The following HHAT variants were observed in gnomAD, a reference collection of about 807,000 sequenced individuals.
HHAT encodes protein-cysteine N-palmitoyltransferase HHAT.
HHAT carries 47 observed loss-of-function variants against 70.8 expected under a neutral mutation model. That is an observed-to-expected ratio of 0.66 (90% confidence interval 0.53 to 0.85). The LOEUF (loss-of-function observed/expected upper bound fraction) is 0.85. Among genes scored for constraint, HHAT ranks in the 40% least tolerant of loss-of-function variants. The pLI, the probability that HHAT is intolerant of heterozygous loss-of-function variation, is 0.00. For missense variants in HHAT, 609 were observed against 604.8 expected (o/e 1.01, Z -0.07); for synonymous variants, 228 against 247.6 (o/e 0.92, Z 0.74).
Position 210,374,763 on chromosome 1 carries a change from CTTT to C in HHAT, c.159+11859_159+11861del, listed in dbSNP as rs34145775. Among the ~76,000 whole-genome samples, 152 of 140,418 alleles carry C rather than the reference CTTT, an allele frequency of 1.1e-3. 2 individuals carry two copies. The East Asian group carries it at 0.015, about 14-fold the overall frequency. The allele number at this position is 140,418 out of a possible 152,430, so 92.1% of individuals were successfully genotyped here. On this transcript the variant is annotated intron_variant, in intron 3 of 11. Coordinates refer to ENST00000261458, the MANE Select transcript of HHAT (RefSeq NM_018194.6). Reference sequence around the variant, plus strand: ...CTACCGAGCTTCCCCAGTGGGGAATCTTTTTTTTTTTTTTTTTAATCCCTTACT... The same window carrying C: ...CTACCGAGCTTCCCCAGTGGGGAATCTTTTTTTTTTTTTTAATCCCTTACT...
At chr1:210,392,371 T>G (rs2091513913) in intron 4 of HHAT, among the ~76,000 whole-genome samples, 1 of 152,156 alleles carries the variant, frequency 6.6e-6, no homozygotes, top group Non-Finnish European at 1.5e-5. Context: ...GTTTGCTTCC[T>G]GTAGATCAGT....
chr1:210,361,726 A>G (rs377702388), intron 2 of HHAT, among the ~76,000 whole-genome samples: 4 of 151,574 alleles, frequency 2.6e-5, no homozygotes, highest in South Asian at 2.1e-4. Context: ...ATTCTTGTCT[A>G]TGTACTCTTT....
rs1195211432 is a variant in HHAT, at chr1:210,675,952, G to A, written c.*1573G>A. On this transcript the variant is annotated 3_prime_UTR_variant, in exon 12 of 12. Transcript: ENST00000261458. ...CTCAGGGAGGAGTGAGCACCTAAAT[G>A]AACGCAGTAAACCTTCATGGACCAA... The A allele has an allele frequency of 6.6e-6, 1 of 152,218 alleles. No individual in the cohort carries two copies. Among genetic ancestry groups the A allele is most frequent in the African/African-American group, 2.4e-5 (1 of 41,458 alleles). The allele number at this position is 152,218 out of a possible 1,614,324, so 9.4% of individuals were successfully genotyped here. A position where few individuals can be genotyped will look rare whatever the true frequency, so the allele number is the denominator to read the frequency against.
chr1:210,633,872 C>T (rs1371981668), intron 11 of HHAT, among the ~76,000 whole-genome samples: 1 of 152,190 alleles, frequency 6.6e-6, no homozygotes, highest in Middle Eastern at 3.2e-3. Flanking sequence ...CTTTTGTTCT[C>T]CTCTGGCTAT....
At chr1:210,340,242 G>GGGGAAAAAAAAAAAAAAAAA (rs1553313987) in intron 1 of HHAT, among the ~76,000 whole-genome samples, 2 of 99,784 alleles carry the variant, frequency 2.0e-5, no homozygotes, top group African/African-American at 3.4e-5. Flanking sequence ...CTCTGTCTCA[G>GGGGAAAAAAAAAAAAAAAAA]AAAAAAAAAA....
chr1:210,510,125 A>G (rs916496447), intron 8 of HHAT, among the ~76,000 whole-genome samples: 3 of 152,184 alleles, frequency 2.0e-5, no homozygotes, highest in African/African-American at 7.2e-5. Flanking sequence ...ATGGTTTTGA[A>G]TATATTTAGT....
At chr1:210,392,999 C>T (rs1361613753) in intron 4 of HHAT, among the ~76,000 whole-genome samples, 3 of 152,118 alleles carry the variant, frequency 2.0e-5, no homozygotes, top group Non-Finnish European at 4.4e-5. Flanking sequence ...TCTTGCTTCT[C>T]CTCTCGTGGG....
chr1:210,537,595 C>T (rs1354392018), intron 9 of HHAT, among the ~76,000 whole-genome samples: 3 of 152,054 alleles, frequency 2.0e-5, no homozygotes, highest in African/African-American at 7.3e-5. Context: ...ACAGGAAGGG[C>T]CCTGCTGACA....
chr1:210,639,494 T>A (rs1317950767), intron 11 of HHAT, among the ~76,000 whole-genome samples: 1 of 152,230 alleles, frequency 6.6e-6, no homozygotes, highest in Non-Finnish European at 1.5e-5. Context: ...GTGGGGAGTT[T>A]GATACATAGC....
upstream of HHAT, chr1:210,328,893 A>AGGGCGCGC (rs1376871644): frequency 1.5e-6 from 1 of 680,788 alleles, no homozygotes; most frequent in Non-Finnish European, 2.1e-6. Context: ...CCGGGCGCGG[A>AGGGCGCGC]GGGCGCGCGG....
intron 1 of HHAT, among the ~76,000 whole-genome samples, chr1:210,333,503 G>A (rs545540224): frequency 6.6e-6 from 1 of 152,284 alleles, no homozygotes; most frequent in South Asian, 2.1e-4. Context: ...AATGCAGTAA[G>A]TAACAAAATT....
Position 210,448,939 on chromosome 1 carries a change from C to T in HHAT, c.857-15566C>T, listed in dbSNP as rs529464466. Among the ~76,000 whole-genome samples the T allele has an allele frequency of 2.0e-5, 3 of 152,282 alleles. No individual in the cohort carries two copies. In the South Asian group the frequency reaches 6.2e-4, roughly 32 times the overall value. On this transcript the variant is annotated intron_variant, in intron 7 of 11. Coordinates refer to ENST00000261458, the MANE Select transcript of HHAT (RefSeq NM_018194.6). ...GCTTCTGTCCCTCACCTCATGCATA[C>T]ATGGAATTGGTTCTGTTTGGGGATC...
chr1:210,557,291 C>T (rs17016427), intron 9 of HHAT, among the ~76,000 whole-genome samples: 10,193 of 152,250 alleles, frequency 0.067, 382 homozygotes, highest in Middle Eastern at 0.078. Flanking sequence ...TAAATGCCCC[C>T]ATGAACCTCA....
chr1:210,674,654 G>A lies in HHAT; in HGVS notation c.*275G>A. 2.6e-6 allele frequency: 1 copy of A among 379,048 alleles called. No individual in the cohort carries two copies. 23.5% of individuals were successfully genotyped at this position (379,048 alleles called of 1,614,324 possible). On this transcript the variant is annotated 3_prime_UTR_variant, in exon 12 of 12. Transcript: ENST00000261458. ...TGTGTCTTACCCAGCTACACAGGGT[G>A]ACATTTTGGTCTAGAACCTAGTCTC...
chr1:210,664,553 C>T (rs1678481546), intron 11 of HHAT, among the ~76,000 whole-genome samples: 1 of 152,184 alleles, frequency 6.6e-6, no homozygotes, highest in South Asian at 2.1e-4. Flanking sequence ...GTGCATGAGG[C>T]AGTTCTTTAA....
chr1:210,366,005 A>G (rs2088923380), intron 3 of HHAT, among the ~76,000 whole-genome samples: 1 of 151,986 alleles, frequency 6.6e-6, no homozygotes. Flanking sequence ...ATCATAGCTC[A>G]CTGGAGACTT....
chr1:210,446,321 A>G lies in HHAT; in HGVS notation c.857-18184A>G, dbSNP rs891890751. On this transcript the variant is annotated intron_variant, in intron 7 of 11. Coordinates refer to ENST00000261458, the MANE Select transcript of HHAT (RefSeq NM_018194.6). ...CAGAAACTTTTCTTCTTGAAAGATT[A>G]TTGTTTGAAGCCTTTCAAATATGTT... Among the ~76,000 whole-genome samples, 34 of 152,122 alleles carry G rather than the reference A, an allele frequency of 2.2e-4. 1 individual carries two copies. The highest frequency in any genetic ancestry group is 2.2e-3 in the Admixed American group (34 of 15,272).
At chr1:210,402,267 G>A (rs1201101097) in intron 5 of HHAT, among the ~76,000 whole-genome samples, 4 of 152,180 alleles carry the variant, frequency 2.6e-5, no homozygotes, top group African/African-American at 9.7e-5. Context: ...TGAGAGTTGC[G>A]CAGCTTGGAA....
At chr1:210,584,308 T>C (rs1255196140) in intron 9 of HHAT, among the ~76,000 whole-genome samples, 2 of 152,172 alleles carry the variant, frequency 1.3e-5, no homozygotes, top group African/African-American at 4.8e-5. Flanking sequence ...GAAGAGAGCA[T>C]TTGATAATCT....
Sources: allele counts gnomAD v4.1 joint callset (sites outside exome capture counted in the v4.1 genomes callset), GRCh38; gene constraint gnomAD v4.1.1; transcripts MANE v1.5; gene names NCBI Gene and HGNC (gene_info 2026-07-23, HGNC 2026-07-21).